The following RHCE variants were observed in gnomAD, a reference collection of about 807,000 sequenced individuals.
RHCE encodes Rh blood group CcEe antigens, also known as blood group Rh(CE) polypeptide.
Under a neutral mutation model 43.8 loss-of-function variants are expected in RHCE, and 22 were observed. That is an observed-to-expected ratio of 0.50 (90% CI 0.36 to 0.72). The LOEUF is 0.72. Ranked by LOEUF, RHCE falls within the 30% of genes least tolerant of loss-of-function variation. The probability of loss-of-function intolerance (pLI) is 0.00; values close to 1 mark genes in which losing one functional copy is unlikely to be tolerated. For synonymous variants in RHCE, 156 were observed against 210.7 expected (o/e 0.74, Z 2.25); for missense variants, 385 against 525.4 (o/e 0.73, Z 2.61).
intron 1 of RHCE, among the ~76,000 whole-genome samples, chr1:25,419,430 G>T (rs1323252750): frequency 1.3e-5 from 2 of 152,002 alleles, no homozygotes; most frequent in Non-Finnish European, 2.9e-5. Flanking sequence ...CCCTCCCTAA[G>T]TCCTACTTGT....
rs1439023269 is a variant in RHCE, at chr1:25,370,404, C to T, written c.1227+63G>A. 4.4e-6 allele frequency: 6 copies of T among 1,376,864 alleles called. No individual in the cohort carries two copies. The African/African-American group carries it at 7.3e-5, about 17-fold the overall frequency. The allele number at this position is 1,376,864 out of a possible 1,614,324, so 85.3% of individuals were successfully genotyped here. A position where few individuals can be genotyped will look rare whatever the true frequency, so the allele number is the denominator to read the frequency against. On this transcript the variant is annotated intron_variant, in intron 9 of 9. Coordinates refer to ENST00000294413, the MANE Select transcript of RHCE (RefSeq NM_020485.8). ...CATAAACAGCAAGTCAACATATATA[C>T]CCAGGTATGTTTTTAAGTTCATGCA...
chr1:25,370,792 A>C (rs1437406009), intron 8 of RHCE, among the ~76,000 whole-genome samples: 1 of 150,640 alleles, frequency 6.6e-6, no homozygotes, highest in Non-Finnish European at 1.5e-5. Context: ...TCTATCACCC[A>C]GGCTGGAGTA....
rs185724219 is a variant in RHCE at position 25,370,856 on chromosome 1, C to A, written c.1154-316G>T. Among the ~76,000 whole-genome samples, 900 of 150,242 alleles carry A rather than the reference C, an allele frequency of 6.0e-3. 14 individuals carry two copies. The highest frequency in any genetic ancestry group is 7.2e-3 in the East Asian group (37 of 5,138). ...CTCTGCCTCCCAGGTTCAAGCGATT[C>A]TCCTGCCTCAGCCTCCCAAGTAGCT... On this transcript the variant is annotated intron_variant, in intron 8 of 9. Transcript: ENST00000294413.
chr1:25,409,050 A>G lies in RHCE; in HGVS notation c.149-181T>C, dbSNP rs1175441660. 6.5e-5 allele frequency among the ~76,000 whole-genome samples: 8 copies of G among 123,656 alleles called. 3 individuals are homozygous for G. Among genetic ancestry groups the G allele is most frequent in the Admixed American group, 8.7e-5 (1 of 11,482 alleles). The allele number at this position is 123,656 out of a possible 152,430, so 81.1% of individuals were successfully genotyped here. Reference sequence around the variant, plus strand: ...TTCTCAACTGAATAATGGGGATAACATAACATGCCGTGTGGGGATAAGGTA... The same window carrying G: ...TTCTCAACTGAATAATGGGGATAACGTAACATGCCGTGTGGGGATAAGGTA... On this transcript the variant is annotated intron_variant, in intron 1 of 9. Coordinates refer to ENST00000294413, the MANE Select transcript of RHCE (RefSeq NM_020485.8).
Position 25,410,960 on chromosome 1 carries a change from C to T in RHCE, c.149-2091G>A, listed in dbSNP as rs641899. On this transcript the variant is annotated intron_variant, in intron 1 of 9. Coordinates refer to ENST00000294413, the MANE Select transcript of RHCE (RefSeq NM_020485.8). ...CAAAAAAATTAGCTGGATGTGGTGG[C>T]GGGCACCTGTAATCCCAGCTACTCG... Among the ~76,000 whole-genome samples the T allele has an allele frequency of 1.4e-4, 22 of 152,030 alleles. 1 individual carries two copies. The South Asian group carries it at 2.1e-3, about 14-fold the overall frequency.
intron 3 of RHCE, among the ~76,000 whole-genome samples, chr1:25,393,438 T>C (rs948958564): frequency 6.6e-6 from 1 of 152,090 alleles, no homozygotes; most frequent in African/African-American, 2.4e-5. Context: ...CTGGCCAACA[T>C]GGCAAAACCC....
chr1:25,379,472 TATATATATATATATATA>T (rs1557604895), intron 7 of RHCE, among the ~76,000 whole-genome samples: 1 of 7,146 alleles, frequency 1.4e-4, no homozygotes, highest in African/African-American at 7.3e-4. Flanking sequence ...TATATATATA[TATATATATATATATATA>T]TATATATTTT....
At chr1:25,378,432 T>A (rs1645853190) in intron 7 of RHCE, among the ~76,000 whole-genome samples, 1 of 152,224 alleles carries the variant, frequency 6.6e-6, no homozygotes, top group Admixed American at 6.5e-5. Flanking sequence ...TCCTCCTCAA[T>A]AATGGATAAA....
At chr1:25,428,660 G>A (rs1019707175) in intron 2 of RHCE, among the ~76,000 whole-genome samples, 1 of 152,226 alleles carries the variant, frequency 6.6e-6, no homozygotes, top group Non-Finnish European at 1.5e-5. Flanking sequence ...AAACCTGAGT[G>A]GAAACAGACT....
At chr1:25,414,889 C>T (rs1647262211) in intron 1 of RHCE, among the ~76,000 whole-genome samples, 1 of 152,128 alleles carries the variant, frequency 6.6e-6, no homozygotes, top group African/African-American at 2.4e-5. Context: ...TGTTGCACCA[C>T]AGAATCATGA....
chr1:25,372,821 T>C (rs1343362632), intron 8 of RHCE, among the ~76,000 whole-genome samples: 5 of 151,776 alleles, frequency 3.3e-5, no homozygotes, highest in African/African-American at 1.2e-4. Context: ...GTTTCCTTTT[T>C]TGAGACAGGG....
chr1:25,380,971 G>A (rs144719257), intron 7 of RHCE, among the ~76,000 whole-genome samples: 6,447 of 144,426 alleles, frequency 0.045, 443 homozygotes, highest in African/African-American at 0.15. Context: ...GCGCGATCTC[G>A]GCTCACTGCA....
chr1:25,391,375 T>C (rs1399928439), intron 4 of RHCE, among the ~76,000 whole-genome samples: 3 of 151,986 alleles, frequency 2.0e-5, no homozygotes, highest in South Asian at 2.1e-4. Context: ...TTAGTAGAGA[T>C]GGGGTTTCGC....
chr1:25,373,690 G>A (rs1645684055), intron 8 of RHCE, among the ~76,000 whole-genome samples: 1 of 151,668 alleles, frequency 6.6e-6, no homozygotes, highest in Admixed American at 6.6e-5. Flanking sequence ...CATGCCCAAT[G>A]TCACCACACA....
chr1:25,368,950 G>A (rs111734245), intron 9 of RHCE, among the ~76,000 whole-genome samples: 9,111 of 151,608 alleles, frequency 0.06, 1,103 homozygotes, highest in African/African-American at 0.2. Flanking sequence ...TAGTGGAGAC[G>A]GGGTTTCACC....
chr1:25,429,047 G>A (rs1051881013), exon 2 of RHCE: 1 of 152,218 alleles, frequency 6.6e-6, no homozygotes, highest in African/African-American at 2.4e-5. Context: ...GGCACTGGGA[G>A]ATCTTTGAAG....
chr1:25,426,889 T>C (rs997085936), intron 2 of RHCE, among the ~76,000 whole-genome samples: 2 of 152,130 alleles, frequency 1.3e-5, no homozygotes, highest in African/African-American at 4.8e-5. Context: ...AAACCCCATT[T>C]CTACTAAAAA....
Position 25,362,378 on chromosome 1 carries a change from T to G in RHCE, c.*149A>C. The G allele has an allele frequency of 6.4e-7, 1 of 1,567,898 alleles. No individual in the cohort carries two copies. The highest frequency in any genetic ancestry group is 8.7e-7 in the Non-Finnish European group (1 of 1,154,212). ...TTAAACTAAGTTTTTAGTCTTTAAT[T>G]TTTTAATATCAAATCTGTCTCTGAC... On this transcript the variant is annotated 3_prime_UTR_variant, in exon 10 of 10. Transcript: ENST00000294413.
At chr1:25,413,192 T>A (rs1256510694) in intron 1 of RHCE, among the ~76,000 whole-genome samples, 1 of 152,042 alleles carries the variant, frequency 6.6e-6, no homozygotes, top group East Asian at 1.9e-4. Flanking sequence ...GCCAACAAGA[T>A]GAAATTAGGG....
Sources: allele counts gnomAD v4.1 joint callset (sites outside exome capture counted in the v4.1 genomes callset), GRCh38; gene constraint gnomAD v4.1.1; transcripts MANE v1.5; gene names NCBI Gene and HGNC (gene_info 2026-07-23, HGNC 2026-07-21).